Variants in EPB41L2 observed in about 807,000 individuals in gnomAD.
EPB41L2 encodes erythrocyte membrane protein band 4.1 like 2, also known as band 4.1-like protein 2.
In EPB41L2, 43 loss-of-function variants were observed where a neutral mutation model predicts 113.0. The ratio of observed to expected loss-of-function variants is 0.38; its 90% CI spans 0.30 to 0.49. The LOEUF (loss-of-function observed/expected upper bound fraction) is 0.49. Among genes scored for constraint, EPB41L2 ranks in the 20% least tolerant of loss-of-function variants. EPB41L2 has a pLI of 0.95. For synonymous variants in EPB41L2, 442 were observed against 436.7 expected, an observed-to-expected ratio of 1.01 and a Z score of -0.15; for missense variants, 1,147 against 1,223.4, an observed-to-expected ratio of 0.94 and a Z score of 0.93.
chr6:130,996,113 C>G (rs1783040738), intron 1 of EPB41L2, among the ~76,000 whole-genome samples: 1 of 152,188 alleles, frequency 6.6e-6, no homozygotes, highest in South Asian at 2.1e-4. Context: ...AGGGTTTCCT[C>G]TCACTTATAC....
At position 130,869,764 on chromosome 6, in the gene EPB41L2, T is replaced by C. The variant is rs201361798; in HGVS notation, c.2406A>G (p.Gln802=). The part of the protein sequence containing the change: ...EAVPEASPVT[Q]AGASVITVET... ...CTACTGTGATTACACTGGCACCTGC[T>C]TGTGTGACTGGGCTGGCTTCGGGCA... Residue 802 remains glutamine, a synonymous_variant, in exon 15 of 20, where the codon CAA becomes CAG. Transcript: ENST00000337057. The C allele has an allele frequency of 7.4e-6, 12 of 1,614,162 alleles. No homozygotes were observed. Among genetic ancestry groups the C allele is most frequent in the East Asian group, 2.2e-5 (1 of 44,876 alleles).
intron 1 of EPB41L2, among the ~76,000 whole-genome samples, chr6:130,987,399 T>C (rs1780817315): frequency 6.6e-6 from 1 of 152,130 alleles, no homozygotes; most frequent in South Asian, 2.1e-4. Context: ...GAACACTAAA[T>C]GTTGTTCTGA....
Position 130,972,465 on chromosome 6 carries a change from C to CACAATTCTCAGAT in EPB41L2, c.-14-15967_-14-15966insATCTGAGAATTGT, listed in dbSNP as rs750330936. Among the ~76,000 whole-genome samples, 1,722 of 151,942 alleles carry CACAATTCTCAGAT rather than the reference C, an allele frequency of 0.011. 169 individuals are homozygous for CACAATTCTCAGAT. The East Asian group carries it at 0.26, about 23-fold the overall frequency. The stretch of plus-strand genomic sequence containing the variant: ...AAAATGTGTCAATTCTAAGATTCAG[C>CACAATTCTCAGAT]TCAGCACAATCTGAGAAATAACTAA... On this transcript the variant is annotated intron_variant, in intron 1 of 19. Coordinates refer to ENST00000337057, the MANE Select transcript of EPB41L2 (RefSeq NM_001431.4).
intron 4 of EPB41L2, among the ~76,000 whole-genome samples, chr6:130,919,028 A>G (rs1254202986): frequency 2.6e-5 from 4 of 152,202 alleles, no homozygotes; most frequent in Non-Finnish European, 4.4e-5. Flanking sequence ...GAAATTTTTA[A>G]AAATTACACA....
chr6:131,039,781 A>T (rs538937592), intron 1 of EPB41L2, among the ~76,000 whole-genome samples: 2 of 152,296 alleles, frequency 1.3e-5, no homozygotes, highest in Admixed American at 1.3e-4. Flanking sequence ...TAATTGACTG[A>T]AACACTGAAT....
intron 1 of EPB41L2, among the ~76,000 whole-genome samples, chr6:130,975,750 G>A (rs1354505786): frequency 1.3e-5 from 2 of 152,198 alleles, no homozygotes; most frequent in East Asian, 1.9e-4. Context: ...CTGGCCAGGC[G>A]TGGTAGCTCA....
In EPB41L2 at chr6:130,894,372, C is replaced by T. The variant is rs1793921554; in HGVS notation, c.1459G>A (p.Val487Met). ...TAGAAAGTATGATGCTCCACGCACA[C>T]TTTCCATAGTCTTTTCGCTGCCCGG... is the stretch of plus-strand genomic sequence containing the variant. ...NHRAAKRLWKVCVEHHTFYRL... is the reference protein window; with the variant it reads ...NHRAAKRLWKMCVEHHTFYRL... The change falls in exon 10 of 20, where the codon GTG (valine) becomes ATG (methionine). Residue 487 changes from valine to methionine, a missense_variant. Transcript: ENST00000337057. 1.2e-6 allele frequency: 2 copies of T among 1,613,760 alleles called. No homozygotes were observed. The highest frequency in any genetic ancestry group is 1.7e-5 in the Admixed American group (1 of 59,996).
rs1386247893 is a variant in EPB41L2 at position 130,867,970 on chromosome 6, ACACTCT to A, written c.2608-395_2608-390del. ...CACACACACACACACACACACACAC[ACACTCT>A]CTCTCTCTCTCTCTCTCTCTCTCCT... On this transcript the variant is annotated intron_variant, in intron 15 of 19. Coordinates refer to ENST00000337057, the MANE Select transcript of EPB41L2 (RefSeq NM_001431.4). The A allele has an allele frequency of 4.0e-3, 412 of 102,588 alleles. 3 individuals are homozygous for A. The highest frequency in any genetic ancestry group is 0.017 in the Middle Eastern group (4 of 238). The allele number at this position is 102,588 out of a possible 1,614,324, so 6.4% of individuals were successfully genotyped here. A position where few individuals can be genotyped will look rare whatever the true frequency, so the allele number is the denominator to read the frequency against.
At chr6:130,937,376 G>A (rs1455572443) in intron 3 of EPB41L2, among the ~76,000 whole-genome samples, 3 of 152,154 alleles carry the variant, frequency 2.0e-5, no homozygotes, top group African/African-American at 7.2e-5. Flanking sequence ...CTATCTGCCT[G>A]CATACTCCAA....
At chr6:130,867,744 G>T (rs986222674) in intron 15 of EPB41L2, 163 bp from the exon 16 acceptor site, 8 of 897,442 alleles carry the variant, frequency 8.9e-6, no homozygotes, top group Non-Finnish European at 1.4e-5. Context: ...AGAAATAAAA[G>T]AAAAATTTTC....
chr6:130,980,707 A>G lies in EPB41L2; in HGVS notation c.-14-24208T>C, dbSNP rs370347310. Among the ~76,000 whole-genome samples the G allele has an allele frequency of 5.9e-4, 90 of 152,336 alleles. 1 individual carries two copies. In the South Asian group the frequency reaches 0.016, roughly 27 times the overall value. On this transcript the variant is annotated intron_variant, in intron 1 of 19. Transcript: ENST00000337057. ...CAGAATGGAGCTAGGTAATCAAACT[A>G]AACTCTGAAACGGGGCAGTTGTTTA...
At chr6:130,922,792 TACAA>T (rs1421155521) in intron 4 of EPB41L2, among the ~76,000 whole-genome samples, 2 of 152,100 alleles carry the variant, frequency 1.3e-5, no homozygotes, top group Non-Finnish European at 2.9e-5. Flanking sequence ...ACAAGTAAGT[TACAA>T]AGAAGTACTC....
chr6:131,003,621 G>T (rs893410134), intron 1 of EPB41L2, among the ~76,000 whole-genome samples: 3 of 152,096 alleles, frequency 2.0e-5, no homozygotes, highest in Non-Finnish European at 2.9e-5. Flanking sequence ...AACCTCTTGG[G>T]AGTGACTGAA....
intron 12 of EPB41L2, 27 bp from the exon 13 acceptor site, chr6:130,880,233 G>A (rs749636958): frequency 2.6e-6 from 4 of 1,536,580 alleles, no homozygotes; most frequent in East Asian, 4.5e-5. Context: ...CACACAGGGG[G>A]GAAAAGGCAA....
intron 1 of EPB41L2, among the ~76,000 whole-genome samples, chr6:131,012,127 C>T (rs940178560): frequency 6.6e-6 from 1 of 151,882 alleles, no homozygotes; most frequent in Non-Finnish European, 1.5e-5. Flanking sequence ...ATCACTTTAA[C>T]CCAGGAGGCA....
At chr6:130,860,374 TAC>T (rs1407007974) in intron 18 of EPB41L2, among the ~76,000 whole-genome samples, 4 of 152,244 alleles carry the variant, frequency 2.6e-5, no homozygotes, top group African/African-American at 9.6e-5. Flanking sequence ...CAAAAACTGC[TAC>T]AGTCATCTTG....
intron 1 of EPB41L2, among the ~76,000 whole-genome samples, chr6:130,971,578 A>C (rs1776788501): frequency 6.6e-6 from 1 of 152,270 alleles, no homozygotes; most frequent in Non-Finnish European, 1.5e-5. Flanking sequence ...ACATGGAGCC[A>C]CTGGGCAAAT....
chr6:130,852,835 T>C (rs1388240055), intron 19 of EPB41L2, among the ~76,000 whole-genome samples: 1 of 152,154 alleles, frequency 6.6e-6, no homozygotes, highest in Non-Finnish European at 1.5e-5. Flanking sequence ...CAGCTACATC[T>C]GATTTTGCAC....
At chr6:131,034,256 A>G (rs992694035) in intron 1 of EPB41L2, among the ~76,000 whole-genome samples, 3 of 152,148 alleles carry the variant, frequency 2.0e-5, no homozygotes, top group Non-Finnish European at 2.9e-5. Context: ...AGACCAATAA[A>G]CATATTGGGG....
Sources: gnomAD v4.1 joint callset for allele counts (sites outside exome capture counted in the v4.1 genomes callset) on GRCh38, gnomAD v4.1.1 for gene constraint, MANE v1.5 for transcripts, NCBI Gene and HGNC (gene_info 2026-07-23, HGNC 2026-07-21) for gene names.